Variants in PRSS56 observed in about 807,000 individuals in gnomAD.
PRSS56 encodes serine protease 56, also known as protease, serine 56.
Under a neutral mutation model 66.8 loss-of-function variants are expected in PRSS56, and 55 were observed. That is an observed-to-expected ratio of 0.82 (90% CI 0.66 to 1.03). The LOEUF is 1.03. PRSS56 is among the 50% of genes least tolerant of loss of function. The pLI, the probability that PRSS56 is intolerant of heterozygous loss-of-function variation, is 0.00. For synonymous variants in PRSS56, 409 were observed against 387.9 expected (o/e 1.05, Z -0.64); for missense variants, 869 against 837.2 (o/e 1.04, Z -0.47).
Position 232,522,117 on chromosome 2 carries a change from G to A in PRSS56, c.403G>A (p.Val135Ile). The A allele has an allele frequency of 6.6e-7, 1 of 1,518,042 alleles. No individual in the cohort carries two copies. The highest frequency in any genetic ancestry group is 1.4e-5 in the African/African-American group (1 of 70,192). 94.0% of individuals were successfully genotyped at this position (1,518,042 alleles called of 1,614,324 possible). A position where few individuals can be genotyped will look rare whatever the true frequency, so the allele number is the denominator to read the frequency against. Residue 135 changes from valine to isoleucine, a missense_variant, in exon 4 of 13, where the codon GTA becomes ATA. Around this residue, in one of 3 missense-constraint regions of PRSS56, gnomAD observed 315 missense variants for 313.7 expected, o/e 1.00. Transcript: ENST00000617714. ...GGQPLCGGVL[V>I]AASWVLTAAH... The stretch of plus-strand genomic sequence containing the variant: ...GCAGCCTCTGTGCGGCGGCGTCCTG[G>A]TAGCGGCCTCCTGGGTGCTCACGGC...
rs1321626110 is a variant in PRSS56 at position 232,523,048 on chromosome 2, C to T, written c.707-12C>T. The T allele has an allele frequency of 1.3e-6, 2 of 1,533,850 alleles. No homozygotes were observed. Among genetic ancestry groups the T allele is most frequent in the Non-Finnish European group, 1.7e-6 (2 of 1,145,698 alleles). ...GCCCTCCAAACCTGAGCCTTCCACC[C>T]CTTCCCTGCAGACGGGCCTGAGGCT... On this transcript the variant is annotated splice_polypyrimidine_tract_variant and intron_variant, in intron 6 of 12. Coordinates refer to ENST00000617714, the MANE Select transcript of PRSS56 (RefSeq NM_001195129.2).
At position 232,523,783 on chromosome 2, in the gene PRSS56, C is replaced by A; in HGVS notation, c.1024C>A (p.Arg342Ser). The A allele has an allele frequency of 7.2e-6, 11 of 1,534,062 alleles. No homozygotes were observed. The highest frequency in any genetic ancestry group is 8.7e-6 in the Non-Finnish European group (10 of 1,146,702). The change falls in exon 9 of 13, where the codon CGC becomes AGC. Residue 342 changes from arginine (R) to serine (S), a missense_variant. Physicochemically the swap from Arg to Ser is moderately radical, Grantham distance 110. Transcript: ENST00000617714. ...LQEQMSASSS[R>S]EPSCRELLAW... Reference sequence around the variant, plus strand: ...CCCGCCCGCAGCAGCCTCCTCCAGCCGCGAGCCCAGCTGCAGGGAGCTTCT... The same window carrying A: ...CCCGCCCGCAGCAGCCTCCTCCAGCAGCGAGCCCAGCTGCAGGGAGCTTCT...
chr2:232,524,869 C>T (rs2106203471), intron 12 of PRSS56, 25 bp downstream of exon 12: 1 of 1,492,154 alleles, frequency 6.7e-7, no homozygotes, highest in Non-Finnish European at 9.0e-7. Context: ...TTCCAGACTC[C>T]TTCACGATGG....
At chr2:232,524,981 T>C in intron 12 of PRSS56, 137 bp downstream of exon 12, 1 of 789,930 alleles carries the variant, frequency 1.3e-6, no homozygotes, top group Non-Finnish European at 1.9e-6. Context: ...TGGGGGTAGG[T>C]AGAGGGTCCG....
At chr2:232,522,366 C>A in intron 4 of PRSS56, 149 bp from the exon 5 acceptor site, 1 of 826,340 alleles carries the variant, frequency 1.2e-6, no homozygotes, top group South Asian at 2.4e-5. Context: ...GGCGAGTTCG[C>A]CCCCTCTGGG....
At chr2:232,524,959 C>T (rs992442668) in intron 12 of PRSS56, 115 bp downstream of exon 12, 1 of 923,762 alleles carries the variant, frequency 1.1e-6, no homozygotes, top group Non-Finnish European at 1.6e-6. Flanking sequence ...GGGGTCGCCT[C>T]TGCCCCAGCT....
In PRSS56 at chr2:232,523,520, G is replaced by A. The variant is rs1228416587; in HGVS notation, c.954G>A (p.Lys318=). Residue 318 remains lysine (K), a synonymous_variant, in exon 8 of 13, where the codon AAG becomes AAA. Transcript: ENST00000617714. ...GGGACGGCTGCGGGGAGCCAGGGAA[G>A]CCCGGGGTCTACACCCGCGTGGCAG... The part of the protein sequence containing the change: ...SWGDGCGEPG[K]PGVYTRVAVF... The A allele has an allele frequency of 4.6e-6, 7 of 1,532,728 alleles. No individual in the cohort carries two copies. The East Asian group carries it at 1.2e-4, about 27-fold the overall frequency. 94.9% of individuals were successfully genotyped at this position (1,532,728 alleles called of 1,614,324 possible).
Position 232,523,568 on chromosome 2 carries a change from G to T in PRSS56, c.1002G>T (p.Glu334Asp). 6.6e-7 allele frequency: 1 copy of T among 1,526,640 alleles called. No homozygotes were observed. The highest frequency in any genetic ancestry group is 2.0e-5 in the Admixed American group (1 of 49,614). The allele number at this position is 1,526,640 out of a possible 1,614,324, so 94.6% of individuals were successfully genotyped here. ...RVAVFKDWLQ[E>D]QMSASSSREP... Reference sequence around the variant, plus strand: ...CAGTGTTCAAGGACTGGCTCCAGGAGCAGATGAGCGGTGAGCGCCCTCTTT... The same window carrying T: ...CAGTGTTCAAGGACTGGCTCCAGGATCAGATGAGCGGTGAGCGCCCTCTTT... Residue 334 changes from glutamate (E) to aspartate (D), a missense_variant, in exon 8 of 13, where the codon GAG becomes GAT. Glu to Asp is a conservative substitution (Grantham distance 45, BLOSUM62 2). Around this residue, in one of 3 missense-constraint regions of PRSS56, gnomAD observed 551 missense variants for 506.9 expected, o/e 1.09. Coordinates refer to ENST00000617714, the MANE Select transcript of PRSS56 (RefSeq NM_001195129.2).
In PRSS56 at chr2:232,522,825, G is replaced by A; in HGVS notation, c.670G>A (p.Ala224Thr). Residue 224 changes from alanine to threonine, a missense_variant, in exon 6 of 13, where the codon GCC (alanine) becomes ACC (threonine). Physicochemically the swap from Ala to Thr is moderately conservative, Grantham distance 58. Coordinates refer to ENST00000617714, the MANE Select transcript of PRSS56 (RefSeq NM_001195129.2). ...QEPQEPPAGTACAIAGWGALF... is the reference protein window; with the variant it reads ...QEPQEPPAGTTCAIAGWGALF... ...GCCCCAGGAGCCCCCTGCCGGAACC[G>A]CCTGCGCCATCGCGGGCTGGGGCGC... is the stretch of plus-strand genomic sequence containing the variant. The A allele has an allele frequency of 6.7e-7, 1 of 1,482,340 alleles. No individual in the cohort carries two copies. Among genetic ancestry groups the A allele is most frequent in the South Asian group, 1.3e-5 (1 of 76,560 alleles). The allele number at this position is 1,482,340 out of a possible 1,614,324, so 91.8% of individuals were successfully genotyped here. A position where few individuals can be genotyped will look rare whatever the true frequency, so the allele number is the denominator to read the frequency against.
intron 1 of PRSS56, among the ~76,000 whole-genome samples, chr2:232,521,059 G>C (rs1378022945): frequency 6.6e-6 from 1 of 152,138 alleles, no homozygotes; most frequent in African/African-American, 2.4e-5. Flanking sequence ...TCTTTGGGGT[G>C]GTGTCTTTAA....
rs571032184 is a variant in PRSS56 at position 232,525,511 on chromosome 2, T to A, written c.*5T>A. On this transcript the variant is annotated 3_prime_UTR_variant, in exon 13 of 13. Coordinates refer to ENST00000617714, the MANE Select transcript of PRSS56 (RefSeq NM_001195129.2). Reference sequence around the variant, plus strand: ...CCCCCCGCCAGGCAACCCTGAGCCATGTCTGGGCCCCCAGCCCCTGGGGAG... The same window carrying A: ...CCCCCCGCCAGGCAACCCTGAGCCAAGTCTGGGCCCCCAGCCCCTGGGGAG... 61 of 1,459,984 alleles carry A rather than the reference T, an allele frequency of 4.2e-5. No individual in the cohort carries two copies. In the South Asian group the frequency reaches 7.5e-4, roughly 18 times the overall value. 90.4% of individuals were successfully genotyped at this position (1,459,984 alleles called of 1,614,324 possible). A position where few individuals can be genotyped will look rare whatever the true frequency, so the allele number is the denominator to read the frequency against.
chr2:232,522,926 G>A (rs1354037788), intron 6 of PRSS56, 65 bp downstream of exon 6: 2 of 1,458,548 alleles, frequency 1.4e-6, no homozygotes, highest in Non-Finnish European at 1.8e-6. Context: ...ATAGAGTGTA[G>A]GGAGGCCGGG....
chr2:232,523,249 G>A lies in PRSS56; in HGVS notation c.849+47G>A, dbSNP rs955230358. 16 of 1,424,048 alleles carry A rather than the reference G, an allele frequency of 1.1e-5. No homozygotes were observed. The East Asian group carries it at 2.1e-4, about 18-fold the overall frequency. The allele number at this position is 1,424,048 out of a possible 1,614,324, so 88.2% of individuals were successfully genotyped here. A position where few individuals can be genotyped will look rare whatever the true frequency, so the allele number is the denominator to read the frequency against. On this transcript the variant is annotated intron_variant, in intron 7 of 12. Coordinates refer to ENST00000617714, the MANE Select transcript of PRSS56 (RefSeq NM_001195129.2). ...AAAAGGCCGGCTGAGCCTTCCCAGG[G>A]CCACTACGGCCTCTTTTCCTTCCAC...
At chr2:232,523,013 C>T (rs1184993669) in intron 6 of PRSS56, 47 bp from the exon 7 acceptor site, 2 of 1,522,452 alleles carry the variant, frequency 1.3e-6, no homozygotes, top group Admixed American at 2.0e-5. Context: ...ACCCTCAAGG[C>T]GGGGCTCTTG....
intron 1 of PRSS56, among the ~76,000 whole-genome samples, chr2:232,520,991 T>C (rs1237077523): frequency 6.6e-6 from 1 of 152,038 alleles, no homozygotes; most frequent in Non-Finnish European, 1.5e-5. Context: ...CGGCCGAAGG[T>C]GGGCCACTCA....
chr2:232,523,693 C>A lies in PRSS56; in HGVS notation c.1013-79C>A, dbSNP rs1006862444. 6 of 1,524,594 alleles carry A rather than the reference C, an allele frequency of 3.9e-6. No homozygotes were observed. The African/African-American group carries it at 8.3e-5, about 21-fold the overall frequency. 94.4% of individuals were successfully genotyped at this position (1,524,594 alleles called of 1,614,324 possible). A position where few individuals can be genotyped will look rare whatever the true frequency, so the allele number is the denominator to read the frequency against. On this transcript the variant is annotated intron_variant, in intron 8 of 12. Transcript: ENST00000617714. ...CAGCTCCCTTCTGCCTCGGGAAAGC[C>A]TGTCTCCTTCCGGGGAAGGAGTGAG...
At chr2:232,524,464 C>A in intron 11 of PRSS56, 95 bp downstream of exon 11, 1 of 1,225,280 alleles carries the variant, frequency 8.2e-7, no homozygotes, top group Non-Finnish European at 1.1e-6. Context: ...AAGGGCTTAC[C>A]CCATGGGGCA....
rs1188318343 is a variant in PRSS56 at position 232,523,740 on chromosome 2, G to A, written c.1013-32G>A. On this transcript the variant is annotated intron_variant, in intron 8 of 12. Coordinates refer to ENST00000617714, the MANE Select transcript of PRSS56 (RefSeq NM_001195129.2). ...TGAGGGGGCTAGGGCCCCAAACAGA[G>A]GGTGAGCTGACCCCTGTCCCGCCCG... 10 of 1,533,720 alleles carry A rather than the reference G, an allele frequency of 6.5e-6. No individual in the cohort carries two copies. In the Admixed American group the frequency reaches 1.8e-4, roughly 27 times the overall value.
rs780669831 is a variant in PRSS56, at chr2:232,523,825, C to A, written c.1066C>A (p.Gln356Lys). The A allele has an allele frequency of 4.0e-5, 62 of 1,533,514 alleles. No individual in the cohort carries two copies. The highest frequency in any genetic ancestry group is 1.5e-4 in the African/African-American group (11 of 72,976). 95.0% of individuals were successfully genotyped at this position (1,533,514 alleles called of 1,614,324 possible). A position where few individuals can be genotyped will look rare whatever the true frequency, so the allele number is the denominator to read the frequency against. The change falls in exon 9 of 13, where the codon CAG becomes AAG. Residue 356 changes from glutamine (Q) to lysine (K), a missense_variant. This residue lies in a region of PRSS56 where 551 missense variants were observed against 506.9 expected (regional missense o/e 1.09). Transcript: ENST00000617714. ...GGAGCTTCTGGCCTGGGACCCCCCC[C>A]AGGAGCTGCAGGCAGACGCCGCCCG... ...CRELLAWDPP[Q>K]ELQADAARLC...
Sources: allele counts gnomAD v4.1 joint callset (sites outside exome capture counted in the v4.1 genomes callset), GRCh38; gene constraint gnomAD v4.1.1; regional missense constraint gnomAD v4.1.1; transcripts MANE v1.5; gene names NCBI Gene and HGNC (gene_info 2026-07-23, HGNC 2026-07-21).